Variants in FNBP1 observed in about 807,000 individuals in gnomAD.
FNBP1 encodes formin-binding protein 1.
A neutral mutation model predicts 90.6 loss-of-function variants in FNBP1; 26 were observed. That is an observed-to-expected ratio of 0.29 (90% CI 0.21 to 0.40). The LOEUF is 0.40. FNBP1 is among the 10% of genes least tolerant of loss of function. The pLI, the probability that FNBP1 is intolerant of heterozygous loss-of-function variation, is 1.00. For synonymous variants in FNBP1, 260 were observed against 265.2 expected (o/e 0.98, Z 0.19); for missense variants, 635 against 768.0 (o/e 0.83, Z 2.05).
At chr9:129,892,344 A>G (rs1245770357) in intron 16 of FNBP1, among the ~76,000 whole-genome samples, 1 of 150,002 alleles carries the variant, frequency 6.7e-6, no homozygotes, top group Non-Finnish European at 1.5e-5. Context: ...TATTTTGGCA[A>G]TTATTAAATA....
chr9:129,922,527 C>T (rs2041261346), intron 10 of FNBP1, among the ~76,000 whole-genome samples: 1 of 152,120 alleles, frequency 6.6e-6, no homozygotes, highest in African/African-American at 2.4e-5. Flanking sequence ...AATATGAGTA[C>T]TACCTGGGCT....
At chr9:129,977,599 C>T (rs2050535788) in intron 4 of FNBP1, among the ~76,000 whole-genome samples, 1 of 151,570 alleles carries the variant, frequency 6.6e-6, no homozygotes, top group East Asian at 2.0e-4. Flanking sequence ...TCAAGCAATT[C>T]TCGTGCTTCA....
Position 129,896,011 on chromosome 9 carries a change from T to C in FNBP1, c.1688-15A>G. On this transcript the variant is annotated splice_polypyrimidine_tract_variant and intron_variant, in intron 15 of 16. Transcript: ENST00000446176. ...TTCATTCTGACCTGAAAAAGCAATA[T>C]CAGGATATGTTAGATGTCTTGGCAA... 6.2e-7 allele frequency: 1 copy of C among 1,603,136 alleles called. No individual in the cohort carries two copies. The highest frequency in any genetic ancestry group is 8.5e-7 in the Non-Finnish European group (1 of 1,175,768).
chr9:130,026,782 GTC>G (rs2058379855), intron 1 of FNBP1, among the ~76,000 whole-genome samples: 1 of 151,818 alleles, frequency 6.6e-6, no homozygotes, highest in Non-Finnish European at 1.5e-5. Flanking sequence ...GCAAAACCCT[GTC>G]TCTACCAAAA....
chr9:129,906,706 GC>G (rs1168960837), intron 12 of FNBP1, among the ~76,000 whole-genome samples: 1 of 152,164 alleles, frequency 6.6e-6, no homozygotes, highest in African/African-American at 2.4e-5. Flanking sequence ...TACAGTGTGT[GC>G]CCTGCAGTTG....
At chr9:129,906,644 T>G (rs1278899210) in intron 12 of FNBP1, among the ~76,000 whole-genome samples, 1 of 152,220 alleles carries the variant, frequency 6.6e-6, no homozygotes, top group African/African-American at 2.4e-5. Context: ...TTTTTCTTTA[T>G]AAATTACTCA....
rs2036774616 is a variant in FNBP1 at position 129,900,780 on chromosome 9, C to T, written c.1429-233G>A. 6.6e-6 allele frequency among the ~76,000 whole-genome samples: 1 copy of T among 152,274 alleles called. No homozygotes were observed. Among genetic ancestry groups the T allele is most frequent in the African/African-American group, 2.4e-5 (1 of 41,482 alleles). On this transcript the variant is annotated intron_variant, in intron 13 of 16. Coordinates refer to ENST00000446176, the MANE Select transcript of FNBP1 (RefSeq NM_015033.3). This position sits in a 1 kb window ranked among gnomAD's most constrained non-coding sequence, Gnocchi z 4.1. ...TACTGAAGGACGGTTGCTTCCATTT[C>T]ACCCGAAGTTGGAGACATAGAAACA...
At chr9:129,988,839 G>T (rs1449984858) in intron 2 of FNBP1, among the ~76,000 whole-genome samples, 2 of 152,156 alleles carry the variant, frequency 1.3e-5, no homozygotes, top group Non-Finnish European at 2.9e-5. Context: ...TTTGGCCCAT[G>T]CTAAGACCTG....
chr9:130,006,601 C>T (rs2055737896), intron 1 of FNBP1, among the ~76,000 whole-genome samples: 2 of 152,016 alleles, frequency 1.3e-5, no homozygotes, highest in African/African-American at 2.4e-5. Flanking sequence ...CCCCAGGAGG[C>T]GGAGGTTGCA....
intron 6 of FNBP1, among the ~76,000 whole-genome samples, chr9:129,945,490 T>G (rs952203698): frequency 6.6e-6 from 1 of 152,226 alleles, no homozygotes; most frequent in Non-Finnish European, 1.5e-5. Context: ...GATATTAACA[T>G]GTTCCATAAA....
At chr9:129,986,062 G>A (rs2052172555) in intron 2 of FNBP1, among the ~76,000 whole-genome samples, 1 of 151,694 alleles carries the variant, frequency 6.6e-6, no homozygotes, top group African/African-American at 2.4e-5. Context: ...CTTGAACCCG[G>A]GAGGCTGAGG....
In FNBP1 at chr9:129,888,608, C is replaced by T. The variant is rs544229894; in HGVS notation, c.*1931G>A. ...GCCGCAACCCTGAGCGGTTTGCAGT[C>T]CCCCCCGGGGAAGAAGCAGTCAGAG... On this transcript the variant is annotated 3_prime_UTR_variant, in exon 17 of 17. Coordinates refer to ENST00000446176, the MANE Select transcript of FNBP1 (RefSeq NM_015033.3). The T allele has an allele frequency of 2.2e-4, 51 of 231,580 alleles. No homozygotes were observed. The South Asian group carries it at 8.2e-3, about 37-fold the overall frequency. 14.3% of individuals were successfully genotyped at this position (231,580 alleles called of 1,614,324 possible).
At chr9:129,949,475 G>T (rs2045839794) in intron 6 of FNBP1, among the ~76,000 whole-genome samples, 1 of 152,068 alleles carries the variant, frequency 6.6e-6, no homozygotes, top group Non-Finnish European at 1.5e-5. Flanking sequence ...TCTTATAAGG[G>T]AACTACTAAA....
At chr9:130,027,392 A>G (rs1478330379) in intron 1 of FNBP1, among the ~76,000 whole-genome samples, 1 of 152,198 alleles carries the variant, frequency 6.6e-6, no homozygotes, top group East Asian at 1.9e-4. Context: ...TTTAAATTTC[A>G]TATTCTAAGC....
At chr9:129,958,736 C>G (rs1393338687) in intron 4 of FNBP1, among the ~76,000 whole-genome samples, 183 bp from the exon 5 acceptor site, 3 of 151,324 alleles carry the variant, frequency 2.0e-5, no homozygotes, top group South Asian at 4.2e-4. Context: ...ATCCCAGAAC[C>G]CTGGGAGGCT....
At chr9:129,960,734 AGG>A (rs1297117814) in intron 4 of FNBP1, among the ~76,000 whole-genome samples, 1 of 152,048 alleles carries the variant, frequency 6.6e-6, no homozygotes, top group Non-Finnish European at 1.5e-5. Flanking sequence ...AGATGGTGGG[AGG>A]CTTTTGTAAC....
intron 6 of FNBP1, among the ~76,000 whole-genome samples, chr9:129,951,762 T>C (rs1266135415): frequency 6.6e-6 from 1 of 152,034 alleles, no homozygotes; most frequent in Non-Finnish European, 1.5e-5. Flanking sequence ...ACTTCTTATA[T>C]GGGGGAATTA....
intron 4 of FNBP1, among the ~76,000 whole-genome samples, chr9:129,967,314 G>A (rs891794957): frequency 2.6e-5 from 4 of 152,160 alleles, no homozygotes; most frequent in Admixed American, 6.5e-5. Flanking sequence ...ACAGGACTCC[G>A]GGATCAGCCT....
At chr9:130,045,262 T>G (rs73672539), upstream of FNBP1, among the ~76,000 whole-genome samples, 1,540 of 151,964 alleles carry the variant, frequency 0.01, 28 homozygotes, top group African/African-American at 0.036. Flanking sequence ...ATAGCCAGAG[T>G]GAGTTGGAGG....
Sources: allele counts gnomAD v4.1 joint callset (sites outside exome capture counted in the v4.1 genomes callset), GRCh38; gene constraint gnomAD v4.1.1; non-coding constraint Gnocchi (gnomAD v3.1); transcripts MANE v1.5; gene names NCBI Gene and HGNC (gene_info 2026-07-23, HGNC 2026-07-21).